Variants in EPHA3 observed in about 807,000 individuals in gnomAD.
EPHA3 encodes ephrin type-A receptor 3.
A neutral mutation model predicts 107.1 loss-of-function variants in EPHA3; 42 were observed. The observed-to-expected ratio is 0.39, with a 90% CI of 0.31 to 0.51. The LOEUF is 0.51. Ranked by LOEUF, EPHA3 falls within the 20% of genes least tolerant of loss-of-function variation. The pLI is 0.78. For missense variants in EPHA3, 1,183 were observed against 1,211.2 expected (o/e 0.98, Z 0.35); for synonymous variants, 461 against 424.8 (o/e 1.09, Z -1.05).
intron 3 of EPHA3, among the ~76,000 whole-genome samples, chr3:89,340,263 G>A (rs1435300566): frequency 9.2e-5 from 14 of 152,106 alleles, no homozygotes; most frequent in Non-Finnish European, 1.5e-5. Flanking sequence ...GTTCATAAGT[G>A]TATTAGTTTA....
chr3:89,323,386 G>A (rs1369655570), intron 3 of EPHA3, among the ~76,000 whole-genome samples: 1 of 152,042 alleles, frequency 6.6e-6, no homozygotes, highest in Non-Finnish European at 1.5e-5. Flanking sequence ...TATAGTAACT[G>A]GCAGAGCCAA....
chr3:89,474,787 G>T (rs1429892740), intron 16 of EPHA3, among the ~76,000 whole-genome samples: 1 of 152,170 alleles, frequency 6.6e-6, no homozygotes, highest in Non-Finnish European at 1.5e-5. Context: ...CCAAGTTAGC[G>T]ACATTACTTA....
intron 3 of EPHA3, among the ~76,000 whole-genome samples, chr3:89,329,545 A>C (rs1707244081): frequency 1.3e-5 from 2 of 152,110 alleles, no homozygotes; most frequent in Admixed American, 1.3e-4. Flanking sequence ...CTAAAAGGAC[A>C]GGAAGAGAGA....
At chr3:89,151,473 C>T (rs971260883) in intron 2 of EPHA3, among the ~76,000 whole-genome samples, 7 of 152,032 alleles carry the variant, frequency 4.6e-5, no homozygotes, top group African/African-American at 9.7e-5. Context: ...ACTGGCACTA[C>T]AGAAGCCAGT....
intron 3 of EPHA3, among the ~76,000 whole-genome samples, chr3:89,262,693 C>A (rs1225734360): frequency 2.6e-5 from 4 of 152,242 alleles, no homozygotes; most frequent in Admixed American, 2.6e-4. Context: ...CAACTCCTAA[C>A]AGGAGGGAGT....
At chr3:89,409,489 G>T (rs775529501) in intron 9 of EPHA3, among the ~76,000 whole-genome samples, 2 of 151,826 alleles carry the variant, frequency 1.3e-5, no homozygotes, top group Non-Finnish European at 2.9e-5. Flanking sequence ...TTGAGCTTTG[G>T]TAAATTTCTG....
chr3:89,188,832 C>A (rs1705636736), intron 2 of EPHA3, among the ~76,000 whole-genome samples: 1 of 152,184 alleles, frequency 6.6e-6, no homozygotes, highest in Non-Finnish European at 1.5e-5. Flanking sequence ...TGTCCCTCTA[C>A]CCTCCTTCAT....
intron 13 of EPHA3, among the ~76,000 whole-genome samples, chr3:89,446,789 C>A (rs2107550848): frequency 6.6e-6 from 1 of 151,410 alleles, no homozygotes; most frequent in South Asian, 2.1e-4. Flanking sequence ...TATAAGTATA[C>A]TTATATACCT....
intron 3 of EPHA3, among the ~76,000 whole-genome samples, chr3:89,233,956 C>T (rs536056725): frequency 6.6e-6 from 1 of 152,060 alleles, no homozygotes; most frequent in Non-Finnish European, 1.5e-5. Context: ...GAAGTATGAC[C>T]ATTTTGGGCT....
chr3:89,369,778 A>G (rs1377541011), intron 5 of EPHA3, among the ~76,000 whole-genome samples: 2 of 149,264 alleles, frequency 1.3e-5, no homozygotes, highest in African/African-American at 5.0e-5. Flanking sequence ...GCTAATATCC[A>G]GAATCTACAA....
chr3:89,468,108 C>A (rs757847313), intron 15 of EPHA3, among the ~76,000 whole-genome samples: 24 of 152,134 alleles, frequency 1.6e-4, no homozygotes, highest in Non-Finnish European at 1.5e-4. Context: ...GAGACAAATT[C>A]CTATCCATTG....
chr3:89,157,849 G>A (rs951940637), intron 2 of EPHA3, among the ~76,000 whole-genome samples: 2 of 148,202 alleles, frequency 1.3e-5, no homozygotes, highest in African/African-American at 2.5e-5. Flanking sequence ...AGTAACACTC[G>A]CTATGAAGAA....
chr3:89,475,397 A>G (rs1317845884), intron 16 of EPHA3, among the ~76,000 whole-genome samples: 4 of 152,200 alleles, frequency 2.6e-5, no homozygotes, highest in Non-Finnish European at 5.9e-5. Flanking sequence ...ATTCCTATTC[A>G]GGCTGTCAAA....
At chr3:89,444,060 G>C (rs946607707) in intron 13 of EPHA3, among the ~76,000 whole-genome samples, 1 of 152,166 alleles carries the variant, frequency 6.6e-6, no homozygotes, top group Non-Finnish European at 1.5e-5. Context: ...ATACTACAGA[G>C]AGCAAGAAAA....
intron 5 of EPHA3, among the ~76,000 whole-genome samples, chr3:89,363,999 C>T (rs943704789): frequency 1.3e-5 from 2 of 150,640 alleles, no homozygotes; most frequent in Non-Finnish European, 3.0e-5. Context: ...TGACAAACTG[C>T]TTTGTGGAAA....
chr3:89,136,727 C>T (rs1704324051), intron 2 of EPHA3, among the ~76,000 whole-genome samples: 1 of 151,748 alleles, frequency 6.6e-6, no homozygotes, highest in African/African-American at 2.4e-5. Flanking sequence ...TTCATTTGTG[C>T]TTTATAATCC....
At chr3:89,412,643 G>T (rs1709176893) in intron 9 of EPHA3, among the ~76,000 whole-genome samples, 2 of 151,564 alleles carry the variant, frequency 1.3e-5, no homozygotes, top group Non-Finnish European at 3.0e-5. Context: ...AGTGTCAGAA[G>T]GTATGCCATT....
chr3:89,176,454 G>GC (rs796099662), intron 2 of EPHA3, among the ~76,000 whole-genome samples: 10 of 141,856 alleles, frequency 7.0e-5, no homozygotes, highest in African/African-American at 2.7e-4. Flanking sequence ...CCAAGGTTGC[G>GC]CCACTCTACT....
At chr3:89,220,070 A>G (rs1377794832) in intron 3 of EPHA3, among the ~76,000 whole-genome samples, 1 of 152,096 alleles carries the variant, frequency 6.6e-6, no homozygotes, top group African/African-American at 2.4e-5. Context: ...TCCTGTTTAG[A>G]TGCCACACAT....
Sources: gnomAD v4.1 joint callset for allele counts (sites outside exome capture counted in the v4.1 genomes callset) on GRCh38, gnomAD v4.1.1 for gene constraint, MANE v1.5 for transcripts, NCBI Gene and HGNC (gene_info 2026-07-23, HGNC 2026-07-21) for gene names.